The following PTPRT variants were observed in gnomAD, a reference collection of about 807,000 sequenced individuals.
The protein encoded by PTPRT is receptor-type tyrosine-protein phosphatase T.
PTPRT carries 56 observed loss-of-function variants against 176.8 expected under a neutral mutation model. The ratio of observed to expected loss-of-function variants is 0.32; its 90% CI spans 0.26 to 0.40. The LOEUF is 0.40. Among genes scored for constraint, PTPRT ranks in the 10% least tolerant of loss-of-function variants. PTPRT has a pLI of 1.00. For missense variants in PTPRT, 1,540 were observed against 1,908.2 expected (o/e 0.81, Z 3.60); for synonymous variants, 783 against 739.0 (o/e 1.06, Z -0.96).
In PTPRT at chr20:43,173,908, C is replaced by G. The variant is rs540692812; in HGVS notation, c.88+15738G>C. ...TTCGACATCACATGGTGATTAAGAA[C>G]CTGGACTCTGAATGAGACGACCACA... is the stretch of plus-strand genomic sequence containing the variant. On this transcript the variant is annotated intron_variant, in intron 1 of 30. Transcript: ENST00000373187. Among the ~76,000 whole-genome samples, 20 of 152,298 alleles carry G rather than the reference C, an allele frequency of 1.3e-4. No individual in the cohort carries two copies. The East Asian group carries it at 1.9e-3, about 15-fold the overall frequency.
chr20:42,931,915 C>T (rs1447942817), intron 1 of PTPRT, among the ~76,000 whole-genome samples: 1 of 152,168 alleles, frequency 6.6e-6, no homozygotes, highest in African/African-American at 2.4e-5. Context: ...ATTTCAGCTA[C>T]GTGGCACTAA....
chr20:42,829,257 T>C (rs2078048942), intron 2 of PTPRT, among the ~76,000 whole-genome samples: 1 of 152,328 alleles, frequency 6.6e-6, no homozygotes, highest in Admixed American at 6.5e-5. Context: ...ACATCTCCCA[T>C]TTGGAATGGG....
At chr20:42,818,278 T>G (rs1176663691) in intron 2 of PTPRT, among the ~76,000 whole-genome samples, 1 of 151,524 alleles carries the variant, frequency 6.6e-6, no homozygotes, top group Non-Finnish European at 1.5e-5. Context: ...GAAGCCCTAA[T>G]GAAGAGGGAC....
chr20:42,363,300 ATTTT>A (rs879370769), intron 9 of PTPRT, among the ~76,000 whole-genome samples: 30 of 30,504 alleles, frequency 9.8e-4, no homozygotes, highest in African/African-American at 2.9e-3. Flanking sequence ...ATATATATAT[ATTTT>A]TTTTTTTTTT....
At chr20:42,688,052 T>C (rs1214722895) in intron 6 of PTPRT, 1 of 152,162 alleles carries the variant, frequency 6.6e-6, no homozygotes, top group East Asian at 1.9e-4. Flanking sequence ...GTTACATCAG[T>C]TATGTAATTC....
At chr20:42,032,664 C>G in the PTPRT span, among the ~76,000 whole-genome samples, 1 of 152,186 alleles carries the variant, frequency 6.6e-6, no homozygotes, top group Non-Finnish European at 1.5e-5. Context: ...CAGACTCTCT[C>G]TAATGAATGT....
chr20:42,095,063 T>C (rs1985059007), intron 27 of PTPRT, among the ~76,000 whole-genome samples: 1 of 152,102 alleles, frequency 6.6e-6, no homozygotes, highest in Non-Finnish European at 1.5e-5. Flanking sequence ...ATAGTCAATC[T>C]CTCTGGATGT....
chr20:42,416,539 C>T (rs1287770097), intron 9 of PTPRT, among the ~76,000 whole-genome samples: 1 of 152,162 alleles, frequency 6.6e-6, no homozygotes, highest in African/African-American at 2.4e-5. Flanking sequence ...CTCCAAGGAC[C>T]GACTGGCCTT....
At chr20:43,071,166 C>A (rs1473711167) in intron 1 of PTPRT, among the ~76,000 whole-genome samples, 1 of 152,134 alleles carries the variant, frequency 6.6e-6, no homozygotes, top group East Asian at 1.9e-4. Context: ...GCCAAGGCCA[C>A]ATCCTTGCGG....
At chr20:43,038,118 T>A (rs770129885) in intron 1 of PTPRT, among the ~76,000 whole-genome samples, 1 of 152,096 alleles carries the variant, frequency 6.6e-6, no homozygotes, top group Non-Finnish European at 1.5e-5. Context: ...AATATTAACA[T>A]GTTTGATTAA....
chr20:42,315,667 T>G, intron 12 of PTPRT, 56 bp downstream of exon 12: 4 of 1,570,342 alleles, frequency 2.5e-6, no homozygotes, highest in Non-Finnish European at 2.6e-6. Flanking sequence ...ACTTATCATT[T>G]GAGAATGAAA....
chr20:42,458,315 T>C (rs2070959119), intron 8 of PTPRT, among the ~76,000 whole-genome samples: 1 of 152,194 alleles, frequency 6.6e-6, no homozygotes. Flanking sequence ...AAGGCAGTAT[T>C]GTAGAATTAA....
chr20:43,076,236 C>T (rs1036042787), intron 1 of PTPRT, among the ~76,000 whole-genome samples: 1 of 152,082 alleles, frequency 6.6e-6, no homozygotes, highest in Admixed American at 6.5e-5. Context: ...CTCTACCTTC[C>T]CAGTTTCTCA....
chr20:42,081,514 C>G (rs1983327633), intron 30 of PTPRT, among the ~76,000 whole-genome samples: 1 of 152,224 alleles, frequency 6.6e-6, no homozygotes, highest in Admixed American at 6.5e-5. Flanking sequence ...TAAATGCTCT[C>G]TATTGTAAAA....
intron 1 of PTPRT, among the ~76,000 whole-genome samples, chr20:43,149,624 T>A (rs1044710766): frequency 6.6e-6 from 1 of 152,192 alleles, no homozygotes; most frequent in Non-Finnish European, 1.5e-5. Context: ...GTGGAGGTAA[T>A]TTACCACCTC....
chr20:42,829,129 C>T (rs2078046249), intron 2 of PTPRT, among the ~76,000 whole-genome samples: 1 of 152,174 alleles, frequency 6.6e-6, no homozygotes, highest in Non-Finnish European at 1.5e-5. Flanking sequence ...CCATCTCTTC[C>T]ATCAGCATGA....
At position 42,118,504 on chromosome 20, in the gene PTPRT, C is replaced by A. The variant is rs1987411098; in HGVS notation, c.2885-4G>T. 3.1e-6 allele frequency: 5 copies of A among 1,602,524 alleles called. No individual in the cohort carries two copies. The highest frequency in any genetic ancestry group is 4.3e-6 in the Non-Finnish European group (5 of 1,173,952). ...TTTACAGTCTCCTGCATCGGACCTG[C>A]CAACAGAGAAGACAGTGAGGTTAGA... On this transcript the variant is annotated splice_region_variant and splice_polypyrimidine_tract_variant and intron_variant, in intron 20 of 30. Coordinates refer to ENST00000373187, the MANE Select transcript of PTPRT (RefSeq NM_007050.6).
intron 1 of PTPRT, among the ~76,000 whole-genome samples, chr20:43,007,754 C>G (rs1395981551): frequency 2.0e-5 from 3 of 152,170 alleles, no homozygotes; most frequent in Non-Finnish European, 4.4e-5. Context: ...CAGAATCATT[C>G]CCTGGCCCAG....
chr20:42,497,243 C>G (rs1316345516), intron 7 of PTPRT, among the ~76,000 whole-genome samples: 1 of 152,162 alleles, frequency 6.6e-6, no homozygotes, highest in African/African-American at 2.4e-5. Context: ...CACATCTCTT[C>G]CTGTCTTAAA....
Sources: allele counts gnomAD v4.1 joint callset (sites outside exome capture counted in the v4.1 genomes callset), GRCh38; gene constraint gnomAD v4.1.1; transcripts MANE v1.5; gene names NCBI Gene and HGNC (gene_info 2026-07-23, HGNC 2026-07-21).